IQGAP2: variants seen among roughly 807,000 people sequenced by gnomAD.
IQGAP2 encodes ras GTPase-activating-like protein IQGAP2.
Under a neutral mutation model 201.3 loss-of-function variants are expected in IQGAP2, and 173 were observed. That is an observed-to-expected ratio of 0.86 (90% confidence interval 0.76 to 0.98). IQGAP2 has a LOEUF of 0.98. Ranked by LOEUF, IQGAP2 falls within the 50% of genes least tolerant of loss-of-function variation. IQGAP2 has a pLI of 0.00. For synonymous variants in IQGAP2, 675 were observed against 673.9 expected (o/e 1.00, Z -0.03); for missense variants, 1,687 against 1,864.8 (o/e 0.90, Z 1.76).
intron 3 of IQGAP2, among the ~76,000 whole-genome samples, chr5:76,567,338 T>C (rs1476910041): frequency 2.6e-5 from 4 of 152,206 alleles, no homozygotes; most frequent in African/African-American, 9.6e-5. Flanking sequence ...GATTTTGGGA[T>C]TAGGGATGCT....
At chr5:76,504,699 C>T (rs1377655167) in intron 2 of IQGAP2, among the ~76,000 whole-genome samples, 5 of 152,182 alleles carry the variant, frequency 3.3e-5, no homozygotes, top group Non-Finnish European at 1.5e-5. Flanking sequence ...CTTCCCCCGA[C>T]AACAAAATAA....
In IQGAP2 at chr5:76,403,705, A is replaced by C. The variant is rs187353476; in HGVS notation, c.46+114A>C. 1 of 861,688 alleles carries C rather than the reference A, an allele frequency of 1.2e-6. No homozygotes were observed. The highest frequency in any genetic ancestry group is 1.6e-6 in the Non-Finnish European group (1 of 613,536). 53.4% of individuals were successfully genotyped at this position (861,688 alleles called of 1,614,324 possible). Reference sequence around the variant, plus strand: ...CGCGGCGCAGAGGAAATTGGAAGGCAGCAACTGCGCGGCTGGCAAAGTTGG... The same window carrying C: ...CGCGGCGCAGAGGAAATTGGAAGGCCGCAACTGCGCGGCTGGCAAAGTTGG... On this transcript the variant is annotated intron_variant, in intron 1 of 35. Transcript: ENST00000274364. The surrounding 1 kb of genome is among the most constrained non-coding windows in gnomAD (Gnocchi z 4.8).
At chr5:76,554,898 G>T (rs1743829061) in intron 2 of IQGAP2, among the ~76,000 whole-genome samples, 3 of 151,986 alleles carry the variant, frequency 2.0e-5, no homozygotes, top group Admixed American at 2.0e-4. Context: ...AAAAAGTTAT[G>T]GGGGAAAATA....
intron 8 of IQGAP2, among the ~76,000 whole-genome samples, chr5:76,590,845 G>C (rs1413627167): frequency 6.6e-6 from 1 of 152,190 alleles, no homozygotes; most frequent in Non-Finnish European, 1.5e-5. Context: ...CCAGCACTTT[G>C]GGAGGCTGCA....
At chr5:76,481,483 A>G (rs1755791878) in intron 2 of IQGAP2, among the ~76,000 whole-genome samples, 1 of 152,060 alleles carries the variant, frequency 6.6e-6, no homozygotes, top group African/African-American at 2.4e-5. Context: ...CCTGGGTTCA[A>G]GCAATTCTCC....
chr5:76,548,802 T>C (rs1743256303), intron 2 of IQGAP2, among the ~76,000 whole-genome samples: 2 of 151,910 alleles, frequency 1.3e-5, no homozygotes, highest in East Asian at 3.9e-4. Flanking sequence ...AGAGTGGGAG[T>C]CTCATTATAG....
intron 2 of IQGAP2, among the ~76,000 whole-genome samples, chr5:76,507,573 T>G (rs1035028176): frequency 5.9e-5 from 9 of 152,086 alleles, no homozygotes; most frequent in African/African-American, 2.2e-4. Flanking sequence ...TTCCGTTCTG[T>G]GAAAGGCCAT....
At chr5:76,465,839 C>G (rs1201086175) in intron 2 of IQGAP2, among the ~76,000 whole-genome samples, 3 of 152,040 alleles carry the variant, frequency 2.0e-5, no homozygotes, top group Non-Finnish European at 4.4e-5. Flanking sequence ...AAAAGAAGTA[C>G]AAGAATTGAA....
chr5:76,606,151 A>C (rs1414327039), intron 11 of IQGAP2, 28 bp from the exon 12 acceptor site: 6 of 1,563,942 alleles, frequency 3.8e-6, no homozygotes, highest in Non-Finnish European at 5.2e-6. Flanking sequence ...GTCTCTAATT[A>C]ACATCAAGAT....
chr5:76,521,821 A>G lies in IQGAP2; in HGVS notation c.147-40575A>G, dbSNP rs192427872. On this transcript the variant is annotated intron_variant, in intron 2 of 35. Transcript: ENST00000274364. ...ACTCCCAGAATTTCTGGTTCTATAG[A>G]TCTGGGATAGGTCTGAGAATTTACA... is the stretch of plus-strand genomic sequence containing the variant. Among the ~76,000 whole-genome samples, 480 of 152,278 alleles carry G rather than the reference A, an allele frequency of 3.2e-3. 1 individual carries two copies. Among genetic ancestry groups the G allele is most frequent in the African/African-American group, 0.011 (460 of 41,534 alleles).
intron 13 of IQGAP2, among the ~76,000 whole-genome samples, chr5:76,612,694 A>AC (rs1392932090): frequency 1.3e-5 from 2 of 151,818 alleles, no homozygotes; most frequent in Non-Finnish European, 2.9e-5. Context: ...TAAGCAAAAA[A>AC]AAAATCATGC....
intron 1 of IQGAP2, among the ~76,000 whole-genome samples, chr5:76,439,492 G>GTAA (rs1388563776): frequency 6.6e-6 from 1 of 152,146 alleles, no homozygotes; most frequent in Non-Finnish European, 1.5e-5. Flanking sequence ...CTTAGGTCCA[G>GTAA]TAATAATAGT....
intron 1 of IQGAP2, among the ~76,000 whole-genome samples, chr5:76,435,828 T>G (rs969839670): frequency 6.6e-6 from 1 of 152,226 alleles, no homozygotes; most frequent in Admixed American, 6.5e-5. Flanking sequence ...ACAGGATATG[T>G]TTACGTTTGC....
At chr5:76,636,295 C>G (rs1343426926) in intron 15 of IQGAP2, among the ~76,000 whole-genome samples, 1 of 152,158 alleles carries the variant, frequency 6.6e-6, no homozygotes, top group African/African-American at 2.4e-5. Context: ...AACCATTCAA[C>G]AAAATAAACA....
At chr5:76,411,609 T>G (rs1308622018) in intron 1 of IQGAP2, among the ~76,000 whole-genome samples, 1 of 152,154 alleles carries the variant, frequency 6.6e-6, no homozygotes, top group Non-Finnish European at 1.5e-5. Context: ...CCTCCTTTTC[T>G]CTCTCTTTCA....
intron 12 of IQGAP2, among the ~76,000 whole-genome samples, chr5:76,610,092 A>C (rs1345621644): frequency 0.07 from 658 of 9,366 alleles, 32 homozygotes; most frequent in Non-Finnish European, 0.093. Context: ...ATATATATAT[A>C]TATATATATA....
intron 1 of IQGAP2, among the ~76,000 whole-genome samples, chr5:76,405,390 ATCTTGTTGGAATCAC>A (rs1750739407): frequency 6.6e-6 from 1 of 152,108 alleles, no homozygotes; most frequent in African/African-American, 2.4e-5. Context: ...GTGGTGTGCC[ATCTTGTTGGAATCAC>A]TCCCGGTTAC....
At position 76,674,770 on chromosome 5, in the gene IQGAP2, C is replaced by T. The variant is rs967893207; in HGVS notation, c.3527+61C>T. The T allele has an allele frequency of 1.8e-5, 23 of 1,244,434 alleles. No individual in the cohort carries two copies. The East Asian group carries it at 4.2e-4, about 23-fold the overall frequency. 77.1% of individuals were successfully genotyped at this position (1,244,434 alleles called of 1,614,324 possible). ...GAATGGTAGGCAAGAATAATATGTG[C>T]TCTGTGCCCAGAGCTAGAGTGGGCA... On this transcript the variant is annotated intron_variant, in intron 27 of 35. Coordinates refer to ENST00000274364, the MANE Select transcript of IQGAP2 (RefSeq NM_006633.5).
chr5:76,599,408 G>T (rs762095899), intron 10 of IQGAP2, among the ~76,000 whole-genome samples: 3 of 152,176 alleles, frequency 2.0e-5, no homozygotes, highest in Admixed American at 6.5e-5. Context: ...ACTGGCCATA[G>T]TTAACCTGTG....
Sources: allele counts gnomAD v4.1 joint callset (sites outside exome capture counted in the v4.1 genomes callset), GRCh38; gene constraint gnomAD v4.1.1; non-coding constraint Gnocchi (gnomAD v3.1); transcripts MANE v1.5; gene names NCBI Gene and HGNC (gene_info 2026-07-23, HGNC 2026-07-21).